DDAH1: variants seen among roughly 807,000 people sequenced by gnomAD.
DDAH1 encodes the protein N(G),N(G)-dimethylarginine dimethylaminohydrolase 1.
DDAH1 carries 19 observed loss-of-function variants against 28.8 expected under a neutral mutation model. That is an observed-to-expected ratio of 0.66 (90% CI 0.46 to 0.97). The LOEUF (loss-of-function observed/expected upper bound fraction) is 0.97. Among genes scored for constraint, DDAH1 ranks in the 50% least tolerant of loss-of-function variants. The pLI is 0.00. For synonymous variants in DDAH1, 153 were observed against 154.4 expected, an observed-to-expected ratio of 0.99 and a Z score of 0.07; for missense variants, 326 against 375.9, an observed-to-expected ratio of 0.87 and a Z score of 1.10.
intron 1 of DDAH1, among the ~76,000 whole-genome samples, chr1:85,441,979 T>C (rs967541764): frequency 6.6e-6 from 1 of 152,120 alleles, no homozygotes; most frequent in Non-Finnish European, 1.5e-5. Flanking sequence ...TCATTACCCA[T>C]ATTTCATCTA....
At chr1:85,514,273 C>G (rs1657363109) in intron 1 of DDAH1, among the ~76,000 whole-genome samples, 1 of 152,136 alleles carries the variant, frequency 6.6e-6, no homozygotes, top group African/African-American at 2.4e-5. Context: ...TCTGAGCAAA[C>G]TATCACAAGG....
intron 1 of DDAH1, among the ~76,000 whole-genome samples, chr1:85,428,218 T>C (rs1044673700): frequency 1.3e-5 from 2 of 152,142 alleles, no homozygotes; most frequent in East Asian, 1.9e-4. Flanking sequence ...ACGGCATTAG[T>C]CTTCTCTCAC....
chr1:85,336,703 T>C (rs558312013), intron 4 of DDAH1, among the ~76,000 whole-genome samples: 1 of 151,720 alleles, frequency 6.6e-6, no homozygotes, highest in South Asian at 2.1e-4. Flanking sequence ...TTAAATGAAA[T>C]AGAGTTAAAA....
At chr1:85,435,534 G>A (rs1274643613) in intron 1 of DDAH1, among the ~76,000 whole-genome samples, 1 of 152,164 alleles carries the variant, frequency 6.6e-6, no homozygotes, top group Non-Finnish European at 1.5e-5. Context: ...AAATAAATAA[G>A]TACAACAAGT....
chr1:85,505,878 A>G (rs887819538), intron 1 of DDAH1, among the ~76,000 whole-genome samples: 1 of 152,228 alleles, frequency 6.6e-6, no homozygotes, highest in African/African-American at 2.4e-5. Flanking sequence ...CTTTTTTAAT[A>G]CATTTTAAAC....
intron 1 of DDAH1, among the ~76,000 whole-genome samples, chr1:85,574,277 T>C (rs1448960579): frequency 1.3e-5 from 2 of 152,196 alleles, no homozygotes; most frequent in Non-Finnish European, 1.5e-5. Flanking sequence ...TGAGTGTGTG[T>C]CCTCTGAGCT....
intron 1 of DDAH1, among the ~76,000 whole-genome samples, chr1:85,543,417 G>C (rs1658529316): frequency 6.6e-6 from 1 of 152,170 alleles, no homozygotes; most frequent in Non-Finnish European, 1.5e-5. Context: ...GTGAACACAG[G>C]AAACAAGCAA....
intron 1 of DDAH1, among the ~76,000 whole-genome samples, chr1:85,563,289 G>A (rs903028517): frequency 2.6e-5 from 4 of 152,206 alleles, no homozygotes; most frequent in Non-Finnish European, 4.4e-5. Flanking sequence ...AGTACATTCA[G>A]ATGAAGAAAT....
chr1:85,480,670 G>C (rs1247545906), intron 2 of DDAH1, among the ~76,000 whole-genome samples: 2 of 152,098 alleles, frequency 1.3e-5, no homozygotes, highest in South Asian at 4.2e-4. Flanking sequence ...ACTTGAATTG[G>C]GGAGATGGAA....
intron 4 of DDAH1, among the ~76,000 whole-genome samples, chr1:85,341,434 GCTT>G (rs1648469786): frequency 6.6e-6 from 1 of 152,198 alleles, no homozygotes; most frequent in Non-Finnish European, 1.5e-5. Context: ...TGTAATTAAA[GCTT>G]CTTCTAAGAA....
intron 3 of DDAH1, 120 bp downstream of exon 3, chr1:85,351,386 C>G: frequency 1.3e-6 from 1 of 777,578 alleles, no homozygotes; most frequent in Non-Finnish European, 2.1e-6. Context: ...ACAAACATTA[C>G]GAATTATTGT....
chr1:85,337,798 T>C (rs1648233456), intron 4 of DDAH1, among the ~76,000 whole-genome samples: 1 of 152,190 alleles, frequency 6.6e-6, no homozygotes, highest in African/African-American at 2.4e-5. Flanking sequence ...AGTCTATCCA[T>C]TTTAATAACT....
intron 1 of DDAH1, among the ~76,000 whole-genome samples, chr1:85,459,291 T>C (rs1225840200): frequency 6.6e-6 from 1 of 152,258 alleles, no homozygotes; most frequent in African/African-American, 2.4e-5. Flanking sequence ...CTTAGTCTTA[T>C]AATGGTTCTC....
At chr1:85,328,689 A>G (rs980634023) in intron 4 of DDAH1, among the ~76,000 whole-genome samples, 2 of 152,324 alleles carry the variant, frequency 1.3e-5, no homozygotes, top group Non-Finnish European at 1.5e-5. Context: ...AGGTTTACTA[A>G]GTAGGACCCC....
chr1:85,379,772 C>T, intron 1 of DDAH1: 7 of 905,276 alleles, frequency 7.7e-6, no homozygotes, highest in Non-Finnish European at 7.9e-6. Flanking sequence ...CATCACTGTC[C>T]TCTTTAATCA....
intron 1 of DDAH1, among the ~76,000 whole-genome samples, chr1:85,506,895 A>G (rs1317059388): frequency 3.3e-5 from 5 of 152,218 alleles, no homozygotes; most frequent in Non-Finnish European, 7.3e-5. Context: ...AGGTTCAGGT[A>G]AGAGGCGATG....
At chr1:85,391,339 T>A (rs1651539382) in intron 1 of DDAH1, among the ~76,000 whole-genome samples, 1 of 152,140 alleles carries the variant, frequency 6.6e-6, no homozygotes, top group East Asian at 1.9e-4. Context: ...TAGTGGCACA[T>A]GCCTATAACC....
chr1:85,402,132 C>T (rs531839549), intron 1 of DDAH1, among the ~76,000 whole-genome samples: 1 of 151,016 alleles, frequency 6.6e-6, no homozygotes, highest in Non-Finnish European at 1.5e-5. Flanking sequence ...ACTACAGGTA[C>T]GCAACCACCA....
chr1:85,357,668 C>T (rs1181536413), intron 2 of DDAH1, among the ~76,000 whole-genome samples: 1 of 152,130 alleles, frequency 6.6e-6, no homozygotes, highest in Non-Finnish European at 1.5e-5. Context: ...TGAGGACCAG[C>T]CTTTGCTGTC....
Sources: allele counts gnomAD v4.1 joint callset (sites outside exome capture counted in the v4.1 genomes callset), GRCh38; gene constraint gnomAD v4.1.1; transcripts MANE v1.5; gene names NCBI Gene and HGNC (gene_info 2026-07-23, HGNC 2026-07-21).